The following CAMTA2 variants were observed in gnomAD, a reference collection of about 807,000 sequenced individuals.
CAMTA2 encodes the protein calmodulin-binding transcription activator 2.
A neutral mutation model predicts 135.7 loss-of-function variants in CAMTA2; 56 were observed. The ratio of observed to expected loss-of-function variants is 0.41; its 90% CI spans 0.33 to 0.52. The LOEUF is 0.52. Ranked by LOEUF, CAMTA2 falls within the 20% of genes least tolerant of loss-of-function variation. The pLI is 0.16. For synonymous variants in CAMTA2, 591 were observed against 604.6 expected (o/e 0.98, Z 0.33); for missense variants, 1,358 against 1,553.4 (o/e 0.87, Z 2.11).
At chr17:4,971,147 T>G (rs1478375623) in intron 16 of CAMTA2, among the ~76,000 whole-genome samples, 1 of 152,228 alleles carries the variant, frequency 6.6e-6, no homozygotes, top group African/African-American at 2.4e-5. Flanking sequence ...ACTTGAAGAT[T>G]CACTTTCATT....
chr17:4,974,236 T>C, intron 12 of CAMTA2, 149 bp downstream of exon 12: 1 of 614,336 alleles, frequency 1.6e-6, no homozygotes. Context: ...AAGGTGGGGA[T>C]GGGAACAGGG....
Position 4,978,580 on chromosome 17 carries a change from A to C in CAMTA2, c.1689T>G (p.His563Gln). The change falls in exon 10 of 23, where the codon CAT becomes CAG. Residue 563 changes from histidine to glutamine, a missense_variant. Physicochemically the swap from His to Gln is conservative, Grantham distance 24. Around this residue, in one of 4 missense-constraint regions of CAMTA2, gnomAD observed 1,077 missense variants for 1,127.5 expected, o/e 0.96. Coordinates refer to ENST00000348066, the MANE Select transcript of CAMTA2 (RefSeq NM_015099.4). Reference sequence around the variant, plus strand: ...CGATGTGATCAAAGACACAGGAGTAATGCTCGGCGGCTTCGGTCCAAGGAC... The same window carrying C: ...CGATGTGATCAAAGACACAGGAGTACTGCTCGGCGGCTTCGGTCCAAGGAC... ...ITGPWTEAAE[H>Q]YSCVFDHIAV... The C allele has an allele frequency of 6.2e-7, 1 of 1,614,164 alleles. No individual in the cohort carries two copies. The highest frequency in any genetic ancestry group is 8.5e-7 in the Non-Finnish European group (1 of 1,179,992).
chr17:4,973,084 C>A, intron 14 of CAMTA2, 91 bp downstream of exon 14: 1 of 1,510,524 alleles, frequency 6.6e-7, no homozygotes, highest in Non-Finnish European at 9.2e-7. Context: ...CCCAGCCCAC[C>A]CCACTCCCTG....
At chr17:4,975,104 C>T (rs1280738847) in intron 11 of CAMTA2, among the ~76,000 whole-genome samples, 1 of 152,044 alleles carries the variant, frequency 6.6e-6, no homozygotes, top group Admixed American at 6.6e-5. Context: ...CAAATACGCA[C>T]GTACACACAT....
At position 4,972,216 on chromosome 17, in the gene CAMTA2, T is replaced by A; in HGVS notation, c.2808+16A>T. ...TCCACTTCTAGCCCCCATAACTCCA[T>A]CAATATAAGCAGTACCGGGATCACA... On this transcript the variant is annotated intron_variant, in intron 16 of 22. Coordinates refer to ENST00000348066, the MANE Select transcript of CAMTA2 (RefSeq NM_015099.4). 1 of 1,602,660 alleles carries A rather than the reference T, an allele frequency of 6.2e-7. No individual in the cohort carries two copies. Among genetic ancestry groups the A allele is most frequent in the South Asian group, 1.1e-5 (1 of 90,266 alleles).
At chr17:4,979,337 C>G (rs545142551) in intron 9 of CAMTA2, 1 of 169,418 alleles carries the variant, frequency 5.9e-6, no homozygotes, top group South Asian at 1.4e-4. Flanking sequence ...TGGTGAAACC[C>G]CATCTCTACT....
rs764610549 is a variant in CAMTA2 at position 4,980,342 on chromosome 17, A to C, written c.980T>G (p.Leu327Arg). ...AGCCCGCTGCTCCAGTCCTGTCAGG[A>C]GGAGGATAGCAGTGCCTCCTCTTGA... ...GSSRGGTAILLLTGLEQRAGG... is the reference protein window; with the variant it reads ...GSSRGGTAILRLTGLEQRAGG... Residue 327 changes from leucine to arginine, a missense_variant, in exon 9 of 23, where the codon CTC (leucine) becomes CGC (arginine). By Grantham distance (102) the Leu-to-Arg change is moderately radical (BLOSUM62 -2). This residue lies in a region of CAMTA2 where 1,077 missense variants were observed against 1,127.5 expected (regional missense o/e 0.96). Transcript: ENST00000348066. The surrounding 1 kb of genome is among the most constrained non-coding windows in gnomAD (Gnocchi z 5.3). The C allele has an allele frequency of 1.9e-6, 3 of 1,614,042 alleles. No homozygotes were observed. The highest frequency in any genetic ancestry group is 1.7e-6 in the Non-Finnish European group (2 of 1,179,948).
Position 4,977,241 on chromosome 17 carries a change from C to T in CAMTA2, c.1766-49G>A, listed in dbSNP as rs725182. On this transcript the variant is annotated intron_variant, in intron 10 of 22. Transcript: ENST00000348066. ...AAGGGCTCTCTTTCCCTGGCTCCTT[C>T]TCTGGCTACCTGTGTCAGCCACAGA... 4.0e-3 allele frequency: 6,453 copies of T among 1,597,420 alleles called. 177 individuals are homozygous for T. In the Admixed American group the frequency reaches 0.058, roughly 14 times the overall value.
At chr17:4,983,431 C>T (rs1473371854) in intron 3 of CAMTA2, among the ~76,000 whole-genome samples, 1 of 149,702 alleles carries the variant, frequency 6.7e-6, no homozygotes, top group Non-Finnish European at 1.5e-5. Context: ...TACAGGCATG[C>T]GCCACCATGC....
rs1973439408 is a variant in CAMTA2, at chr17:4,987,553, C to T, written c.-65+40G>A. 2.7e-6 allele frequency: 4 copies of T among 1,504,574 alleles called. No homozygotes were observed. In the South Asian group the frequency reaches 3.7e-5, roughly 14 times the overall value. 93.2% of individuals were successfully genotyped at this position (1,504,574 alleles called of 1,614,324 possible). A position where few individuals can be genotyped will look rare whatever the true frequency, so the allele number is the denominator to read the frequency against. Reference sequence around the variant, plus strand: ...GACCTGGAGGAGCTGCGCCCTCTGGCGCGGGGGCGGAGAGGCGGGCGAGAG... The same window carrying T: ...GACCTGGAGGAGCTGCGCCCTCTGGTGCGGGGGCGGAGAGGCGGGCGAGAG... On this transcript the variant is annotated intron_variant, in intron 1 of 22. Transcript: ENST00000348066.
Position 4,969,486 on chromosome 17 carries a change from C to A in CAMTA2, c.3282+14G>T. 6.2e-7 allele frequency: 1 copy of A among 1,614,032 alleles called. No individual in the cohort carries two copies. The highest frequency in any genetic ancestry group is 1.3e-5 in the African/African-American group (1 of 75,034). On this transcript the variant is annotated intron_variant, in intron 20 of 22. Transcript: ENST00000348066. This position sits in a 1 kb window ranked among gnomAD's most constrained non-coding sequence, Gnocchi z 5.6. ...ATCATCACAGACCTCACACTCAGAGCTCATGCCTAATACCTTAAGTGCAAT... is the reference window on the plus strand; with the variant it reads ...ATCATCACAGACCTCACACTCAGAGATCATGCCTAATACCTTAAGTGCAAT...
intron 10 of CAMTA2, among the ~76,000 whole-genome samples, chr17:4,978,193 G>T (rs1156992003): frequency 6.6e-6 from 1 of 152,210 alleles, no homozygotes; most frequent in Non-Finnish European, 1.5e-5. Context: ...ACAGACATTA[G>T]AAATCCCTTT....
chr17:4,972,594 G>C, intron 15 of CAMTA2, 58 bp from the exon 16 acceptor site: 1 of 1,544,450 alleles, frequency 6.5e-7, no homozygotes, highest in South Asian at 1.1e-5. Flanking sequence ...CCTCGCTCAA[G>C]TCTCCTGCCT....
At chr17:4,970,261 T>C in intron 17 of CAMTA2, 79 bp downstream of exon 17, 1 of 1,540,258 alleles carries the variant, frequency 6.5e-7, no homozygotes, top group Non-Finnish European at 8.9e-7. Flanking sequence ...AATGGAGCTT[T>C]GGCTGTGGGA....
chr17:4,983,234 A>G (rs926651483), intron 3 of CAMTA2, 191 bp from the exon 4 acceptor site: 1 of 574,294 alleles, frequency 1.7e-6, no homozygotes, highest in Non-Finnish European at 3.2e-6. Context: ...ACAAAAGTCT[A>G]ACATTTTTTT....
At position 4,969,263 on chromosome 17, in the gene CAMTA2, C is replaced by T. The variant is rs780317624; in HGVS notation, c.3357G>A (p.Lys1119=). Residue 1119 remains lysine, a synonymous_variant, in exon 21 of 23, where the codon AAG becomes AAA. Transcript: ENST00000348066. The surrounding 1 kb of genome is among the most constrained non-coding windows in gnomAD (Gnocchi z 5.6). ...CCGCTCGGCGGCTCTGCTGAAATCG[C>T]TTCTGTTCATAGTAGCTTCGGAACT... ...QSKFRSYYEQ[K]RFQQSRRAAV... 13 of 1,614,072 alleles carry T rather than the reference C, an allele frequency of 8.1e-6. No individual in the cohort carries two copies. In the East Asian group the frequency reaches 2.2e-4, roughly 28 times the overall value.
intron 22 of CAMTA2, 23 bp from the exon 23 acceptor site, chr17:4,968,842 C>A (rs1164979841): frequency 6.2e-7 from 1 of 1,613,242 alleles, no homozygotes; most frequent in Middle Eastern, 1.6e-4. Flanking sequence ...AGATAGGAGT[C>A]AGAGGAGACT....
In CAMTA2 at chr17:4,969,410, G is replaced by A. The variant is rs375337733; in HGVS notation, c.3283-73C>T. The A allele has an allele frequency of 1.9e-6, 3 of 1,606,812 alleles. No homozygotes were observed. The highest frequency in any genetic ancestry group is 2.7e-5 in the African/African-American group (2 of 74,788). ...ACCCAAAGCCCTGAGGCTCACCCAA[G>A]TTAGGCTGATGCAAGACTCTCTGTA... is the stretch of plus-strand genomic sequence containing the variant. On this transcript the variant is annotated intron_variant, in intron 20 of 22. Coordinates refer to ENST00000348066, the MANE Select transcript of CAMTA2 (RefSeq NM_015099.4). This position sits in a 1 kb window ranked among gnomAD's most constrained non-coding sequence, Gnocchi z 5.6.
chr17:4,975,425 GTT>G (rs1972553966), intron 11 of CAMTA2, among the ~76,000 whole-genome samples: 2 of 152,302 alleles, frequency 1.3e-5, no homozygotes, highest in South Asian at 2.1e-4. Context: ...AGACAGGCAA[GTT>G]AAGATATTGG....
Sources: allele counts gnomAD v4.1 joint callset (sites outside exome capture counted in the v4.1 genomes callset), GRCh38; gene constraint gnomAD v4.1.1; regional missense constraint gnomAD v4.1.1; non-coding constraint Gnocchi (gnomAD v3.1); transcripts MANE v1.5; gene names NCBI Gene and HGNC (gene_info 2026-07-23, HGNC 2026-07-21).